The following RIMS1 variants were observed in gnomAD, a reference collection of about 807,000 sequenced individuals.
RIMS1 encodes the protein regulating synaptic membrane exocytosis 1, also known as regulating synaptic membrane exocytosis protein 1.
In RIMS1, 83 loss-of-function variants were observed where a neutral mutation model predicts 214.1. That is an observed-to-expected ratio of 0.39 (90% CI 0.32 to 0.47). The LOEUF is 0.47. RIMS1 is among the 20% of genes least tolerant of loss of function. The probability of loss-of-function intolerance (pLI) is 0.99; values close to 1 mark genes in which losing one functional copy is unlikely to be tolerated. For missense variants in RIMS1, 2,050 were observed against 2,161.8 expected (o/e 0.95, Z 1.03); for synonymous variants, 793 against 786.8 (o/e 1.01, Z -0.13).
chr6:72,391,239 T>C (rs543442969), intron 30 of RIMS1, among the ~76,000 whole-genome samples: 1 of 152,230 alleles, frequency 6.6e-6, no homozygotes, highest in East Asian at 1.9e-4. Context: ...ATTTTTACCT[T>C]AGGAAATAAT....
chr6:72,170,695 T>G (rs576302303), intron 4 of RIMS1, among the ~76,000 whole-genome samples: 2 of 152,236 alleles, frequency 1.3e-5, no homozygotes, highest in Non-Finnish European at 2.9e-5. Flanking sequence ...GTGGGGAGAA[T>G]TTTTGTCTAT....
intron 1 of RIMS1, among the ~76,000 whole-genome samples, chr6:71,923,128 T>C (rs1313171984): frequency 1.3e-5 from 2 of 152,196 alleles, no homozygotes; most frequent in Non-Finnish European, 2.9e-5. Flanking sequence ...CTCAAGGCAC[T>C]CATGTTCCAT....
In RIMS1 at chr6:72,400,832, T is replaced by C; in HGVS notation, c.*118T>C. 1.2e-6 allele frequency: 1 copy of C among 808,422 alleles called. No homozygotes were observed. Among genetic ancestry groups the C allele is most frequent in the Non-Finnish European group, 1.9e-6 (1 of 514,350 alleles). 50.1% of individuals were successfully genotyped at this position (808,422 alleles called of 1,614,324 possible). ...AGACAATCAACTTGTGTTTTGCCTG[T>C]AGTAGTTTTTCAATAATATGTCCCA... is the stretch of plus-strand genomic sequence containing the variant. On this transcript the variant is annotated 3_prime_UTR_variant, in exon 34 of 34. Coordinates refer to ENST00000521978, the MANE Select transcript of RIMS1 (RefSeq NM_014989.7).
intron 29 of RIMS1, among the ~76,000 whole-genome samples, chr6:72,360,449 C>A (rs976007331): frequency 1.3e-5 from 2 of 152,034 alleles, no homozygotes; most frequent in African/African-American, 4.8e-5. Context: ...TGAGAAAATG[C>A]CAAAGGGTCT....
chr6:72,102,138 T>C (rs1200780844), intron 4 of RIMS1, among the ~76,000 whole-genome samples: 1 of 151,988 alleles, frequency 6.6e-6, no homozygotes, highest in African/African-American at 2.4e-5. Context: ...GCTCTCTTGA[T>C]AATATTTAAC....
chr6:72,210,503 C>T (rs1344228469), intron 6 of RIMS1, among the ~76,000 whole-genome samples: 1 of 152,160 alleles, frequency 6.6e-6, no homozygotes, highest in Non-Finnish European at 1.5e-5. Flanking sequence ...GAGATCAAGA[C>T]ATGGCAGAGC....
chr6:71,892,973 T>A (rs777139384), intron 1 of RIMS1, among the ~76,000 whole-genome samples: 16 of 152,170 alleles, frequency 1.1e-4, no homozygotes, highest in Admixed American at 2.0e-4. Flanking sequence ...AGCATCAGAT[T>A]TTATATGTAA....
Position 72,114,426 on chromosome 6 carries a change from A to G in RIMS1, c.471+14440A>G, listed in dbSNP as rs149486392. Among the ~76,000 whole-genome samples, 834 of 152,148 alleles carry G rather than the reference A, an allele frequency of 5.5e-3. 5 individuals carry two copies. The highest frequency in any genetic ancestry group is 0.019 in the African/African-American group (803 of 41,554). On this transcript the variant is annotated intron_variant, in intron 4 of 33. Transcript: ENST00000521978. ...GCATGTGGTTGAAAATCCAGGGCACATACCTCAGAGCTCCTGACTTTTAAA... is the reference window on the plus strand; with the variant it reads ...GCATGTGGTTGAAAATCCAGGGCACGTACCTCAGAGCTCCTGACTTTTAAA...
chr6:72,186,417 G>A (rs1033357049), intron 6 of RIMS1, among the ~76,000 whole-genome samples: 2 of 152,194 alleles, frequency 1.3e-5, no homozygotes, highest in Non-Finnish European at 2.9e-5. Context: ...TGAAGAACTA[G>A]CCAAAAAGCC....
chr6:71,932,527 T>C (rs1783353236), intron 1 of RIMS1, among the ~76,000 whole-genome samples: 1 of 152,046 alleles, frequency 6.6e-6, no homozygotes, highest in Admixed American at 6.6e-5. Flanking sequence ...TAATGGATGC[T>C]AGACTTAAAA....
chr6:72,316,349 G>T (rs927421879), intron 28 of RIMS1, among the ~76,000 whole-genome samples: 30 of 152,152 alleles, frequency 2.0e-4, no homozygotes, highest in Admixed American at 2.0e-3. Context: ...GCTATTCCAG[G>T]CTCAGCCCTG....
chr6:72,268,814 T>C (rs2081740534), intron 22 of RIMS1, among the ~76,000 whole-genome samples: 1 of 152,204 alleles, frequency 6.6e-6, no homozygotes, highest in African/African-American at 2.4e-5. Context: ...GTTACCATAA[T>C]TCAGTGAATT....
At chr6:71,984,773 A>ATATC (rs70994108) in intron 2 of RIMS1, among the ~76,000 whole-genome samples, 4,556 of 146,708 alleles carry the variant, frequency 0.031, 73 homozygotes, top group African/African-American at 0.048. Flanking sequence ...ATGTATGTAC[A>ATATC]TATCTATCTA....
At chr6:72,340,464 A>T (rs2097027494) in intron 29 of RIMS1, among the ~76,000 whole-genome samples, 1 of 152,112 alleles carries the variant, frequency 6.6e-6, no homozygotes, top group South Asian at 2.1e-4. Context: ...TTTTTATATA[A>T]GGTATAAGGA....
intron 4 of RIMS1, among the ~76,000 whole-genome samples, chr6:72,140,419 A>G (rs1227126699): frequency 6.6e-6 from 1 of 152,148 alleles, no homozygotes; most frequent in Non-Finnish European, 1.5e-5. Context: ...GTATTTCAGT[A>G]CATTTAGAAT....
chr6:72,368,292 AT>A lies in RIMS1; in HGVS notation c.4367-22279del, dbSNP rs1168375463. ...AACAGTACAGAATCAGTGTTGTCTG[AT>A]TTTTTTTTTTTTTTTTTTTTTTTTT... On this transcript the variant is annotated intron_variant, in intron 29 of 33. Coordinates refer to ENST00000521978, the MANE Select transcript of RIMS1 (RefSeq NM_014989.7). Among the ~76,000 whole-genome samples the A allele has an allele frequency of 8.0e-3, 630 of 79,100 alleles. 1 individual carries two copies. The highest frequency in any genetic ancestry group is 0.017 in the African/African-American group (330 of 19,016). 51.9% of individuals were successfully genotyped at this position (79,100 alleles called of 152,430 possible).
intron 33 of RIMS1, among the ~76,000 whole-genome samples, 180 bp from the exon 34 acceptor site, chr6:72,400,316 A>G (rs148512909): frequency 1.0e-3 from 158 of 152,308 alleles, no homozygotes; most frequent in African/African-American, 3.6e-3. Flanking sequence ...TGAAGTGTCT[A>G]TGAGCACCTT....
At chr6:72,177,930 T>C (rs1223819015) in intron 4 of RIMS1, among the ~76,000 whole-genome samples, 1 of 152,182 alleles carries the variant, frequency 6.6e-6, no homozygotes, top group African/African-American at 2.4e-5. Context: ...AATATACCCT[T>C]ATTTGGCTAG....
At chr6:72,200,385 C>A (rs905518582) in intron 6 of RIMS1, among the ~76,000 whole-genome samples, 4 of 152,170 alleles carry the variant, frequency 2.6e-5, no homozygotes, top group African/African-American at 9.7e-5. Context: ...CTTTTATCTA[C>A]ATCTGCCCTG....
Sources: gnomAD v4.1 joint callset for allele counts (sites outside exome capture counted in the v4.1 genomes callset) on GRCh38, gnomAD v4.1.1 for gene constraint, MANE v1.5 for transcripts, NCBI Gene and HGNC (gene_info 2026-07-23, HGNC 2026-07-21) for gene names.